Variants in LPCAT1 observed in about 807,000 individuals in gnomAD.
LPCAT1 encodes 1-acylglycerol-3-phosphate O-acyltransferase.
Under a neutral mutation model 60.9 loss-of-function variants are expected in LPCAT1, and 23 were observed. The observed-to-expected ratio is 0.38, with a 90% CI of 0.27 to 0.53. The LOEUF (loss-of-function observed/expected upper bound fraction) is 0.53. LPCAT1 is among the 20% of genes least tolerant of loss of function. The probability of loss-of-function intolerance (pLI) is 0.82; values close to 1 mark genes in which losing one functional copy is unlikely to be tolerated. For missense variants in LPCAT1, 622 were observed against 723.6 expected (o/e 0.86, Z 1.61); for synonymous variants, 340 against 301.1 (o/e 1.13, Z -1.34).
At chr5:1,514,722 C>T (rs1023396377) in intron 1 of LPCAT1, among the ~76,000 whole-genome samples, 1 of 152,178 alleles carries the variant, frequency 6.6e-6, no homozygotes, top group Non-Finnish European at 1.5e-5. Flanking sequence ...GACAGTGATA[C>T]ATCGTGGGGG....
intron 3 of LPCAT1, among the ~76,000 whole-genome samples, chr5:1,492,331 C>T (rs1735619145): frequency 1.3e-5 from 2 of 151,210 alleles, no homozygotes; most frequent in Non-Finnish European, 2.9e-5. Context: ...GAGCTGGGGC[C>T]TGGGGAGACG....
intron 4 of LPCAT1, among the ~76,000 whole-genome samples, chr5:1,489,517 C>T (rs149909302): frequency 6.6e-5 from 10 of 152,352 alleles, no homozygotes; most frequent in African/African-American, 2.2e-4. Context: ...AAAGATGATT[C>T]AGGAAGCTGA....
chr5:1,509,165 G>C (rs1736278147), intron 1 of LPCAT1, among the ~76,000 whole-genome samples: 1 of 152,272 alleles, frequency 6.6e-6, no homozygotes, highest in Non-Finnish European at 1.5e-5. Flanking sequence ...GGCGCCCGGA[G>C]ACTCGAAGGC....
In LPCAT1 at chr5:1,477,533, A is replaced by G; in HGVS notation, c.817-47T>C. 7.2e-7 allele frequency: 1 copy of G among 1,395,422 alleles called. No homozygotes were observed. Among genetic ancestry groups the G allele is most frequent in the Non-Finnish European group, 1.0e-6 (1 of 989,090 alleles). The allele number at this position is 1,395,422 out of a possible 1,614,324, so 86.4% of individuals were successfully genotyped here. A position where few individuals can be genotyped will look rare whatever the true frequency, so the allele number is the denominator to read the frequency against. ...GTTAGTATCACAAGACGCTGACCTC[A>G]GCAACACCACTGTAACGACAACTGG... On this transcript the variant is annotated intron_variant, in intron 8 of 13. Transcript: ENST00000283415. This position sits in a 1 kb window ranked among gnomAD's most constrained non-coding sequence, Gnocchi z 6.0.
Position 1,480,482 on chromosome 5 carries a change from T to A in LPCAT1, c.761+460A>T. On this transcript the variant is annotated intron_variant, in intron 7 of 13. Coordinates refer to ENST00000283415, the MANE Select transcript of LPCAT1 (RefSeq NM_024830.5). The surrounding 1 kb of genome is among the most constrained non-coding windows in gnomAD (Gnocchi z 6.4). Reference sequence around the variant, plus strand: ...CCTCTGGGGCTCGTTCCCGTTTCCGTGGGGTTGTTCATTGTTGCATAACTG... The same window carrying A: ...CCTCTGGGGCTCGTTCCCGTTTCCGAGGGGTTGTTCATTGTTGCATAACTG... The A allele has an allele frequency of 1.9e-6, 1 of 525,848 alleles. No homozygotes were observed. The highest frequency in any genetic ancestry group is 2.1e-5 in the African/African-American group (1 of 48,358). The allele number at this position is 525,848 out of a possible 1,614,324, so 32.6% of individuals were successfully genotyped here. A position where few individuals can be genotyped will look rare whatever the true frequency, so the allele number is the denominator to read the frequency against.
chr5:1,504,807 C>T (rs927476994), intron 1 of LPCAT1, among the ~76,000 whole-genome samples: 9 of 151,960 alleles, frequency 5.9e-5, no homozygotes, highest in African/African-American at 1.7e-4. Context: ...CCTGGGCAGA[C>T]GCCATGAAGT....
At chr5:1,501,915 C>T (rs11743209) in intron 1 of LPCAT1, among the ~76,000 whole-genome samples, 8,349 of 151,660 alleles carry the variant, frequency 0.055, 324 homozygotes, top group East Asian at 0.19. Flanking sequence ...CGGTGCTGAC[C>T]AAGGCTGACC....
At chr5:1,491,374 C>T (rs944262062) in intron 3 of LPCAT1, among the ~76,000 whole-genome samples, 4 of 147,026 alleles carry the variant, frequency 2.7e-5, no homozygotes, top group African/African-American at 1.0e-4. Flanking sequence ...CTGCCACCTT[C>T]GCAATCCTGT....
chr5:1,465,006 T>C (rs1734291697), intron 13 of LPCAT1, among the ~76,000 whole-genome samples: 1 of 129,078 alleles, frequency 7.7e-6, no homozygotes, highest in Non-Finnish European at 1.6e-5. Flanking sequence ...CACAATAACA[T>C]GCACACACAC....
At position 1,480,886 on chromosome 5, in the gene LPCAT1, C is replaced by T. The variant is rs73031867; in HGVS notation, c.761+56G>A. On this transcript the variant is annotated intron_variant, in intron 7 of 13. Transcript: ENST00000283415. The surrounding 1 kb of genome is among the most constrained non-coding windows in gnomAD (Gnocchi z 6.4). The stretch of plus-strand genomic sequence containing the variant: ...AGCGTGCACAGCAGACCCCAAGCAG[C>T]CCCTACGTGTTCATGGAACAACAGG... 3.2e-4 allele frequency: 517 copies of T among 1,603,944 alleles called. 1 individual carries two copies. The African/African-American group carries it at 6.1e-3, about 19-fold the overall frequency.
chr5:1,512,738 T>C (rs1417106241), intron 1 of LPCAT1, among the ~76,000 whole-genome samples: 1 of 152,232 alleles, frequency 6.6e-6, no homozygotes, highest in African/African-American at 2.4e-5. Context: ...ACACCCGTGA[T>C]GCCAGCACAG....
At chr5:1,514,297 A>G (rs1736439847) in intron 1 of LPCAT1, among the ~76,000 whole-genome samples, 1 of 152,212 alleles carries the variant, frequency 6.6e-6, no homozygotes, top group Non-Finnish European at 1.5e-5. Flanking sequence ...TCCAAAAACA[A>G]CAAACAGGGT....
chr5:1,505,411 C>T (rs185032310), intron 1 of LPCAT1, among the ~76,000 whole-genome samples: 1 of 152,354 alleles, frequency 6.6e-6, no homozygotes, highest in East Asian at 1.9e-4. Context: ...CACAGTAACC[C>T]ATGGTGTTCC....
At chr5:1,470,686 A>C in intron 12 of LPCAT1, 140 bp downstream of exon 12, 1 of 602,070 alleles carries the variant, frequency 1.7e-6, no homozygotes, top group Non-Finnish European at 2.8e-6. Flanking sequence ...AACAGCTAGC[A>C]TAAAAAGCTT....
In LPCAT1 at chr5:1,463,414, C is replaced by T. The variant is rs1354030717; in HGVS notation, c.*237G>A. On this transcript the variant is annotated 3_prime_UTR_variant, in exon 14 of 14. Transcript: ENST00000283415. ...GCAGGGAACCTGACCCCACGGGGTC[C>T]AGGCCAGGCGGGGGATCCGCGTGCG... 48 of 537,906 alleles carry T rather than the reference C, an allele frequency of 8.9e-5. 2 individuals carry two copies. The highest frequency in any genetic ancestry group is 1.2e-4 in the Non-Finnish European group (38 of 309,148). 33.3% of individuals were successfully genotyped at this position (537,906 alleles called of 1,614,324 possible).
In LPCAT1 at chr5:1,523,479, G is replaced by A. The variant is rs1736737296; in HGVS notation, c.135+231C>T. On this transcript the variant is annotated intron_variant, in intron 1 of 13. Coordinates refer to ENST00000283415, the MANE Select transcript of LPCAT1 (RefSeq NM_024830.5). The surrounding 1 kb of genome is among the most constrained non-coding windows in gnomAD (Gnocchi z 7.1). The stretch of plus-strand genomic sequence containing the variant: ...GGGGACCCCGAGGAAGGCGCTGAGG[G>A]ACCAGGATGCGCGTGCGGGCGGCGG... Among the ~76,000 whole-genome samples, 1 of 151,628 alleles carries A rather than the reference G, an allele frequency of 6.6e-6. No homozygotes were observed. The highest frequency in any genetic ancestry group is 1.9e-4 in the East Asian group (1 of 5,174).
intron 1 of LPCAT1, among the ~76,000 whole-genome samples, chr5:1,518,530 C>T (rs554249475): frequency 9.2e-5 from 14 of 152,324 alleles, no homozygotes; most frequent in Admixed American, 5.2e-4. Flanking sequence ...TTAGTAGAGA[C>T]GGGGTTTCAC....
At chr5:1,491,304 C>G (rs535840509) in intron 3 of LPCAT1, among the ~76,000 whole-genome samples, 2 of 101,536 alleles carry the variant, frequency 2.0e-5, no homozygotes, top group South Asian at 3.4e-4. Context: ...TCGGTGCCCA[C>G]TGTTTTGGCC....
intron 5 of LPCAT1, among the ~76,000 whole-genome samples, chr5:1,485,075 C>A (rs889794384): frequency 6.6e-6 from 1 of 152,180 alleles, no homozygotes; most frequent in South Asian, 2.1e-4. Flanking sequence ...CAGGAGCTCG[C>A]GTGGAGTGCC....
Sources: allele counts gnomAD v4.1 joint callset (sites outside exome capture counted in the v4.1 genomes callset), GRCh38; gene constraint gnomAD v4.1.1; non-coding constraint Gnocchi (gnomAD v3.1); transcripts MANE v1.5; gene names NCBI Gene and HGNC (gene_info 2026-07-23, HGNC 2026-07-21).